DYM: variants seen among roughly 807,000 people sequenced by gnomAD.
DYM encodes the protein dymeclin.
A neutral mutation model predicts 93.1 loss-of-function variants in DYM; 78 were observed. That is an observed-to-expected ratio of 0.84 (90% CI 0.70 to 1.01). The LOEUF (loss-of-function observed/expected upper bound fraction) is 1.01. Among genes scored for constraint, DYM ranks in the 50% least tolerant of loss-of-function variants. DYM has a pLI of 0.00. For synonymous variants in DYM, 321 were observed against 319.7 expected (o/e 1.00, Z -0.04); for missense variants, 789 against 845.0 (o/e 0.93, Z 0.82).
chr18:49,436,953 T>C (rs1447094147), intron 1 of DYM, among the ~76,000 whole-genome samples: 6 of 152,188 alleles, frequency 3.9e-5, no homozygotes, highest in African/African-American at 1.4e-4. Context: ...GAATGCTGAA[T>C]TTTCAAAAGA....
At chr18:49,298,499 T>C (rs1267906150) in intron 8 of DYM, among the ~76,000 whole-genome samples, 2 of 151,042 alleles carry the variant, frequency 1.3e-5, no homozygotes, top group African/African-American at 2.4e-5. Context: ...GAGAATTGCT[T>C]GAACCTGGGA....
At chr18:49,298,959 A>C (rs1365873196) in intron 8 of DYM, among the ~76,000 whole-genome samples, 1 of 152,208 alleles carries the variant, frequency 6.6e-6, no homozygotes, top group African/African-American at 2.4e-5. Flanking sequence ...TCTCACCCAC[A>C]TATGCAAAAA....
chr18:49,050,820 T>G (rs939272986), intron 17 of DYM, among the ~76,000 whole-genome samples: 10 of 152,150 alleles, frequency 6.6e-5, no homozygotes, highest in Non-Finnish European at 1.3e-4. Context: ...TGTGCACCAT[T>G]TGTTTCCCCA....
intron 1 of DYM, among the ~76,000 whole-genome samples, chr18:49,432,329 C>CAAAAAAAAAAAAAAAAAAAA (rs11429840): frequency 9.2e-5 from 7 of 75,818 alleles, no homozygotes; most frequent in Non-Finnish European, 1.7e-4. Flanking sequence ...AAGACTGTCT[C>CAAAAAAAAAAAAAAAAAAAA]AAAAAAAAAA....
In DYM at chr18:49,044,038, G is replaced by A. The variant is rs2071138609; in HGVS notation, c.*17C>T. 6.2e-7 allele frequency: 1 copy of A among 1,612,540 alleles called. No homozygotes were observed. Among genetic ancestry groups the A allele is most frequent in the Admixed American group, 1.7e-5 (1 of 60,018 alleles). On this transcript the variant is annotated 3_prime_UTR_variant, in exon 18 of 18. Transcript: ENST00000675505. ...GCTGCTTGGCTGGAGGGGTCCGGGT[G>A]GGAGAGCATCCTGCCCTCAGTCGGA...
chr18:49,251,509 C>T (rs941942751), intron 13 of DYM, among the ~76,000 whole-genome samples: 1 of 152,076 alleles, frequency 6.6e-6, no homozygotes, highest in Admixed American at 6.5e-5. Flanking sequence ...GGTTTGAAAA[C>T]GAGTTCAGTT....
At chr18:49,415,197 G>T (rs1427060632) in intron 2 of DYM, among the ~76,000 whole-genome samples, 2 of 151,424 alleles carry the variant, frequency 1.3e-5, no homozygotes, top group East Asian at 3.9e-4. Flanking sequence ...GCACACACCT[G>T]TAGTCCCAGC....
chr18:49,419,513 A>C (rs2073392512), intron 2 of DYM, among the ~76,000 whole-genome samples: 1 of 152,210 alleles, frequency 6.6e-6, no homozygotes. Flanking sequence ...TTTTTTAAGA[A>C]GTTCATCTTT....
At chr18:49,418,689 C>G (rs1276547997) in intron 2 of DYM, among the ~76,000 whole-genome samples, 1 of 152,170 alleles carries the variant, frequency 6.6e-6, no homozygotes, top group African/African-American at 2.4e-5. Flanking sequence ...TGAACAATCT[C>G]AGAATTATCT....
intron 8 of DYM, among the ~76,000 whole-genome samples, chr18:49,289,721 A>ATG (rs2059916242): frequency 1.7e-4 from 5 of 30,220 alleles, no homozygotes; most frequent in African/African-American, 5.0e-4. Context: ...AAATATATAT[A>ATG]TATGTGTATA....
At chr18:49,442,051 C>G (rs1346634784) in intron 1 of DYM, among the ~76,000 whole-genome samples, 2 of 152,010 alleles carry the variant, frequency 1.3e-5, no homozygotes, top group South Asian at 4.2e-4. Context: ...GAATAGGAAC[C>G]TAGGGAAAAG....
chr18:49,148,938 T>C (rs955523459), intron 15 of DYM, among the ~76,000 whole-genome samples: 3 of 152,196 alleles, frequency 2.0e-5, no homozygotes, highest in East Asian at 1.9e-4. Context: ...GTGCACTTTA[T>C]TTCTATTATT....
At chr18:49,318,399 C>T (rs1029987781) in intron 8 of DYM, among the ~76,000 whole-genome samples, 4 of 152,200 alleles carry the variant, frequency 2.6e-5, no homozygotes, top group Non-Finnish European at 5.9e-5. Flanking sequence ...GCAGGCAGCT[C>T]GAGAGGTCAG....
chr18:49,179,779 T>G (rs1463523258), intron 14 of DYM, among the ~76,000 whole-genome samples: 2 of 152,100 alleles, frequency 1.3e-5, no homozygotes, highest in Non-Finnish European at 2.9e-5. Flanking sequence ...TGTAAATGCT[T>G]TGATATTTTG....
chr18:49,211,207 A>C (rs1387237325), intron 13 of DYM, among the ~76,000 whole-genome samples: 1 of 152,232 alleles, frequency 6.6e-6, no homozygotes, highest in Non-Finnish European at 1.5e-5. Flanking sequence ...CAAACCCATA[A>C]GCGAACAACA....
chr18:49,381,477 G>A (rs764851549), intron 3 of DYM, among the ~76,000 whole-genome samples: 4 of 152,268 alleles, frequency 2.6e-5, no homozygotes, highest in Non-Finnish European at 5.9e-5. Context: ...TATTCCAAGC[G>A]TGGCTCATGG....
At chr18:49,414,443 T>C (rs1321816608) in intron 2 of DYM, among the ~76,000 whole-genome samples, 1 of 152,236 alleles carries the variant, frequency 6.6e-6, no homozygotes, top group East Asian at 1.9e-4. Flanking sequence ...TAGTAAATTA[T>C]AGCAGACTAG....
chr18:49,191,248 A>G (rs2090943793), intron 14 of DYM, among the ~76,000 whole-genome samples: 1 of 152,176 alleles, frequency 6.6e-6, no homozygotes, highest in Non-Finnish European at 1.5e-5. Context: ...ATGACAAGGA[A>G]GCTATGAGAC....
At chr18:49,435,582 G>GT (rs542056570) in intron 1 of DYM, among the ~76,000 whole-genome samples, 3 of 152,220 alleles carry the variant, frequency 2.0e-5, no homozygotes, top group African/African-American at 7.2e-5. Context: ...GAGGTCAGGA[G>GT]TTAGAGACCA....
Sources: gnomAD v4.1 joint callset for allele counts (sites outside exome capture counted in the v4.1 genomes callset) on GRCh38, gnomAD v4.1.1 for gene constraint, MANE v1.5 for transcripts, NCBI Gene and HGNC (gene_info 2026-07-23, HGNC 2026-07-21) for gene names.